Variants in HLCS observed in about 807,000 individuals in gnomAD.
HLCS encodes the protein holocarboxylase synthetase.
HLCS carries 53 observed loss-of-function variants against 75.0 expected under a neutral mutation model. That is an observed-to-expected ratio of 0.71 (90% confidence interval 0.57 to 0.89). The LOEUF (loss-of-function observed/expected upper bound fraction) is 0.89. HLCS is among the 40% of genes least tolerant of loss of function. The probability of loss-of-function intolerance (pLI) is 0.00; values close to 1 mark genes in which losing one functional copy is unlikely to be tolerated. For synonymous variants in HLCS, 431 were observed against 428.6 expected (o/e 1.01, Z -0.07); for missense variants, 966 against 1,074.0 (o/e 0.90, Z 1.41).
intron 6 of HLCS, among the ~76,000 whole-genome samples, chr21:36,876,956 T>C (rs2064004644): frequency 1.3e-5 from 2 of 152,332 alleles, no homozygotes; most frequent in South Asian, 4.1e-4. Flanking sequence ...CATCCATGAG[T>C]TGTTATCTGT....
chr21:36,829,381 T>C (rs1002312790), intron 6 of HLCS, among the ~76,000 whole-genome samples: 1 of 152,220 alleles, frequency 6.6e-6, no homozygotes, highest in Non-Finnish European at 1.5e-5. Flanking sequence ...TTATCTTTCA[T>C]GATTTGTCTC....
chr21:36,912,758 AC>A (rs376940101), intron 5 of HLCS, among the ~76,000 whole-genome samples: 15 of 150,386 alleles, frequency 1.0e-4, no homozygotes, highest in African/African-American at 2.0e-4. Context: ...GCAATTAGCC[AC>A]CCCCCCCAAC....
At chr21:36,825,001 GAA>G (rs1374456343) in intron 6 of HLCS, among the ~76,000 whole-genome samples, 2 of 152,174 alleles carry the variant, frequency 1.3e-5, no homozygotes, top group Admixed American at 6.5e-5. Context: ...TTGAAAGAAA[GAA>G]AGACTTTGAC....
chr21:36,834,508 G>A (rs2062335665), intron 6 of HLCS, among the ~76,000 whole-genome samples: 1 of 152,198 alleles, frequency 6.6e-6, no homozygotes, highest in Non-Finnish European at 1.5e-5. Context: ...CTGTCTGGCT[G>A]CTTTCAGTGG....
intron 7 of HLCS, among the ~76,000 whole-genome samples, chr21:36,765,794 C>T (rs1226412436): frequency 6.6e-6 from 1 of 151,970 alleles, no homozygotes; most frequent in African/African-American, 2.4e-5. Context: ...ATTAAGGTGC[C>T]CGCCACCATT....
intron 5 of HLCS, among the ~76,000 whole-genome samples, chr21:36,928,561 C>A (rs1160809829): frequency 2.6e-5 from 4 of 152,084 alleles, no homozygotes; most frequent in Non-Finnish European, 5.9e-5. Context: ...CAGAGCAAGA[C>A]CCTGCCTCAA....
At position 36,912,297 on chromosome 21, in the gene HLCS, C is replaced by CA. The variant is rs747666616; in HGVS notation, c.1621-15167dup. Among the ~76,000 whole-genome samples the CA allele has an allele frequency of 7.9e-3, 884 of 112,228 alleles. 7 individuals carry two copies. The highest frequency in any genetic ancestry group is 0.022 in the African/African-American group (661 of 30,638). 73.6% of individuals were successfully genotyped at this position (112,228 alleles called of 152,430 possible). On this transcript the variant is annotated intron_variant, in intron 5 of 10. Transcript: ENST00000674895. The stretch of plus-strand genomic sequence containing the variant: ...TACAATTAAGGGGATATTATTCAGC[C>CA]AAAAAAAAAAAACAAGGTATGAAGT...
intron 6 of HLCS, among the ~76,000 whole-genome samples, chr21:36,872,490 G>A (rs951014328): frequency 1.3e-5 from 2 of 151,984 alleles, no homozygotes; most frequent in Admixed American, 6.6e-5. Context: ...AGATCTGCTG[G>A]GTTTTGACAA....
At position 36,918,866 on chromosome 21, in the gene HLCS, G is replaced by C. The variant is rs561687778; in HGVS notation, c.1620+11385C>G. Among the ~76,000 whole-genome samples the C allele has an allele frequency of 1.1e-3, 165 of 152,282 alleles. 3 individuals are homozygous for C. Among genetic ancestry groups the C allele is most frequent in the Non-Finnish European group, 1.7e-3 (117 of 68,024 alleles). Reference sequence around the variant, plus strand: ...GTTGTTTCTCTCTCACATTTGTTTTGCAACAGGACCAACGTGCTCATCATA... The same window carrying C: ...GTTGTTTCTCTCTCACATTTGTTTTCCAACAGGACCAACGTGCTCATCATA... On this transcript the variant is annotated intron_variant, in intron 5 of 10. Transcript: ENST00000674895.
Position 36,944,918 on chromosome 21 carries a change from C to T in HLCS, c.331-5924G>A, listed in dbSNP as rs951374702. Reference sequence around the variant, plus strand: ...CGGGTGGATCACGAGGTCAGGAGATCGAGACCATCCTAGTTAACGGTGAAA... The same window carrying T: ...CGGGTGGATCACGAGGTCAGGAGATTGAGACCATCCTAGTTAACGGTGAAA... On this transcript the variant is annotated intron_variant, in intron 2 of 10. Coordinates refer to ENST00000674895, the MANE Select transcript of HLCS (RefSeq NM_001352514.2). Among the ~76,000 whole-genome samples, 4 of 151,990 alleles carry T rather than the reference C, an allele frequency of 2.6e-5. No homozygotes were observed. The East Asian group carries it at 7.7e-4, about 29-fold the overall frequency.
At chr21:36,847,724 A>G (rs989158109) in intron 6 of HLCS, among the ~76,000 whole-genome samples, 3 of 152,214 alleles carry the variant, frequency 2.0e-5, no homozygotes, top group Non-Finnish European at 4.4e-5. Context: ...ATTTCTTTCA[A>G]CAGGGTTTAT....
At chr21:36,866,168 AC>A (rs5843779) in intron 6 of HLCS, among the ~76,000 whole-genome samples, 152,186 of 152,186 alleles carry the variant, frequency 1, 76,093 homozygotes, top group Non-Finnish European at 1. Context: ...GGTTAGTAGC[AC>A]CAAAGTAATA....
rs1231864342 is a variant in HLCS, at chr21:36,750,578, G to A, written c.*3668C>T. On this transcript the variant is annotated 3_prime_UTR_variant, in exon 11 of 11. Coordinates refer to ENST00000674895, the MANE Select transcript of HLCS (RefSeq NM_001352514.2). ...TGGGGGAGGTTTAATACGGCCAATG[G>A]ATCTTGTATAAAGTCTACGTAAGTT... is the stretch of plus-strand genomic sequence containing the variant. 6.6e-6 allele frequency among the ~76,000 whole-genome samples: 1 copy of A among 152,084 alleles called. No homozygotes were observed. The highest frequency in any genetic ancestry group is 1.5e-5 in the Non-Finnish European group (1 of 68,028).
chr21:36,875,030 C>T (rs564482936), intron 6 of HLCS, among the ~76,000 whole-genome samples: 2 of 152,176 alleles, frequency 1.3e-5, no homozygotes, highest in Non-Finnish European at 1.5e-5. Flanking sequence ...AGCCAGCACT[C>T]CCCTCCCCGA....
Position 36,758,959 on chromosome 21 carries a change from G to C in HLCS, c.2236+768C>G, listed in dbSNP as rs1046152235. ...AGATTGCACCACTGCATTCCAGCCC[G>C]GGCAACAGTGCTGGACTCCATTTCA... On this transcript the variant is annotated intron_variant, in intron 9 of 10. Coordinates refer to ENST00000674895, the MANE Select transcript of HLCS (RefSeq NM_001352514.2). Among the ~76,000 whole-genome samples the C allele has an allele frequency of 2.0e-5, 3 of 151,826 alleles. No individual in the cohort carries two copies. In the South Asian group the frequency reaches 6.3e-4, roughly 32 times the overall value.
At chr21:36,782,028 G>GA (rs148237375) in intron 6 of HLCS, among the ~76,000 whole-genome samples, 2,786 of 150,504 alleles carry the variant, frequency 0.019, 44 homozygotes, top group South Asian at 0.05. Flanking sequence ...TGCATTCCTA[G>GA]AAAAAAAAAT....
intron 4 of HLCS, among the ~76,000 whole-genome samples, chr21:36,932,280 A>T (rs541806231): frequency 4.6e-5 from 7 of 152,318 alleles, no homozygotes; most frequent in African/African-American, 1.7e-4. Context: ...CACTATGGGA[A>T]CTGACTTCTT....
chr21:36,873,956 C>A (rs4402840), intron 6 of HLCS, among the ~76,000 whole-genome samples: 142,372 of 152,292 alleles, frequency 0.93, 66,658 homozygotes, highest in East Asian at 1. Context: ...TGCTTTCTGT[C>A]ATCAGTTTAA....
intron 2 of HLCS, among the ~76,000 whole-genome samples, chr21:36,948,880 A>C (rs1424388392): frequency 6.6e-6 from 1 of 152,096 alleles, no homozygotes; most frequent in Non-Finnish European, 1.5e-5. Context: ...GAAAAGAGGA[A>C]TTGCGAAACC....
Sources: allele counts gnomAD v4.1 joint callset (sites outside exome capture counted in the v4.1 genomes callset), GRCh38; gene constraint gnomAD v4.1.1; transcripts MANE v1.5; gene names NCBI Gene and HGNC (gene_info 2026-07-23, HGNC 2026-07-21).